Variants in BAZ2B observed in about 807,000 individuals in gnomAD.
The protein encoded by BAZ2B is bromodomain adjacent to zinc finger domain 2B, also known as bromodomain adjacent to zinc finger domain protein 2B.
BAZ2B carries 91 observed loss-of-function variants against 246.0 expected under a neutral mutation model. The observed-to-expected ratio is 0.37, with a 90% CI of 0.31 to 0.44. The LOEUF (loss-of-function observed/expected upper bound fraction) is 0.44, where lower values mean the gene tolerates loss of function less well. Ranked by LOEUF, BAZ2B falls within the 20% of genes least tolerant of loss-of-function variation. The pLI, the probability that BAZ2B is intolerant of heterozygous loss-of-function variation, is 1.00. For synonymous variants in BAZ2B, 855 were observed against 860.0 expected, an observed-to-expected ratio of 0.99 and a Z score of 0.10; for missense variants, 2,332 against 2,533.7, an observed-to-expected ratio of 0.92 and a Z score of 1.71.
chr2:159,560,114 A>C, intron 1 of BAZ2B, among the ~76,000 whole-genome samples: 1 of 152,188 alleles, frequency 6.6e-6, no homozygotes, highest in East Asian at 1.9e-4. Flanking sequence ...ACTCAATTTT[A>C]ACATACTCAT....
intron 1 of BAZ2B, among the ~76,000 whole-genome samples, chr2:159,607,107 G>T (rs1442378323): frequency 6.6e-6 from 1 of 151,938 alleles, no homozygotes; most frequent in African/African-American, 2.4e-5. Flanking sequence ...TGCCTGTCTC[G>T]GCCTCCCAAA....
chr2:159,350,312 T>G lies in BAZ2B; in HGVS notation c.4259A>C (p.Glu1420Ala), dbSNP rs778159639. ...CATTTCTTCTTTGATCTGGACACTT[T>G]CTGCCTTTTTCAGTTTTTCTCTTTC... ...AKEREKLKKAESVQIKEEMFE... is the reference protein window; with the variant it reads ...AKEREKLKKAASVQIKEEMFE... Residue 1420 changes from glutamate to alanine, a missense_variant, in exon 28 of 37, where the codon GAA (glutamate) becomes GCA (alanine). Physicochemically the swap from Glu to Ala is moderately radical, Grantham distance 107. Transcript: ENST00000392783. 7 of 1,576,540 alleles carry G rather than the reference T, an allele frequency of 4.4e-6. No homozygotes were observed. The highest frequency in any genetic ancestry group is 5.1e-6 in the Non-Finnish European group (6 of 1,165,844).
At chr2:159,671,432 C>T in the BAZ2B span, among the ~76,000 whole-genome samples, 1 of 151,988 alleles carries the variant, frequency 6.6e-6, no homozygotes, top group Non-Finnish European at 1.5e-5. Flanking sequence ...AAGGTACTAC[C>T]TCAAATACTT....
At chr2:159,373,227 G>A (rs1420122053) in intron 26 of BAZ2B, 38 bp from the exon 27 acceptor site, 1 of 1,557,238 alleles carries the variant, frequency 6.4e-7, no homozygotes, top group South Asian at 1.2e-5. Context: ...GGTTTGGGAT[G>A]TTAAATGCTT....
chr2:159,553,408 A>AAAAAAG (rs2088617685), intron 2 of BAZ2B, among the ~76,000 whole-genome samples: 1 of 146,530 alleles, frequency 6.8e-6, no homozygotes, highest in African/African-American at 2.7e-5. Context: ...AAAAAAAAAA[A>AAAAAAG]AAAAAAAAGA....
intron 2 of BAZ2B, among the ~76,000 whole-genome samples, chr2:159,553,540 GAAAT>G (rs2088649830): frequency 6.6e-6 from 1 of 151,864 alleles, no homozygotes; most frequent in Non-Finnish European, 1.5e-5. Flanking sequence ...TTCAAGTAGA[GAAAT>G]AAAAGGAACC....
intron 10 of BAZ2B, 120 bp downstream of exon 10, chr2:159,430,743 A>G: frequency 6.9e-7 from 1 of 1,459,400 alleles, no homozygotes. Flanking sequence ...TCCTTAGCCA[A>G]CCTAAAATCT....
rs542236957 is a variant in BAZ2B at position 159,492,782 on chromosome 2, T to C, written c.-2-14061A>G. ...TTCAAAGAAAATAATTGATTAAAAA[T>C]AATTGTATTTCATACTTCAATGACA... On this transcript the variant is annotated intron_variant, in intron 2 of 36. Transcript: ENST00000392783. Among the ~76,000 whole-genome samples, 5 of 152,360 alleles carry C rather than the reference T, an allele frequency of 3.3e-5. No homozygotes were observed. The South Asian group carries it at 1.0e-3, about 32-fold the overall frequency.
intron 1 of BAZ2B, among the ~76,000 whole-genome samples, chr2:159,602,741 C>T (rs950807814): frequency 6.6e-6 from 1 of 152,142 alleles, no homozygotes; most frequent in African/African-American, 2.4e-5. Context: ...TATTCATATT[C>T]TTTGACCCAG....
the BAZ2B span, among the ~76,000 whole-genome samples, chr2:159,668,799 G>A: frequency 6.6e-6 from 1 of 152,132 alleles, no homozygotes; most frequent in Non-Finnish European, 1.5e-5. Flanking sequence ...GTTGACGCCT[G>A]TAATCCCAGC....
At chr2:159,402,256 C>G (rs1017693807) in intron 16 of BAZ2B, among the ~76,000 whole-genome samples, 2 of 152,128 alleles carry the variant, frequency 1.3e-5, no homozygotes, top group Non-Finnish European at 2.9e-5. Context: ...GAGAAACAAA[C>G]AGTGCTAGGT....
In BAZ2B at chr2:159,374,905, A is replaced by G. The variant is rs1051460878; in HGVS notation, c.4006-152T>C. The G allele has an allele frequency of 1.1e-5, 7 of 659,814 alleles. No individual in the cohort carries two copies. In the African/African-American group the frequency reaches 1.3e-4, roughly 12 times the overall value. The allele number at this position is 659,814 out of a possible 1,614,324, so 40.9% of individuals were successfully genotyped here. A position where few individuals can be genotyped will look rare whatever the true frequency, so the allele number is the denominator to read the frequency against. The stretch of plus-strand genomic sequence containing the variant: ...CTAATAATCTGGTAGAGAGATACAT[A>G]AAACATTATGTTTAAAAAAAACACA... On this transcript the variant is annotated intron_variant, in intron 25 of 36. Coordinates refer to ENST00000392783, the MANE Select transcript of BAZ2B (RefSeq NM_013450.4).
chr2:159,594,377 A>G (rs1690135182), intron 1 of BAZ2B, among the ~76,000 whole-genome samples: 1 of 152,232 alleles, frequency 6.6e-6, no homozygotes, highest in Admixed American at 6.5e-5. Flanking sequence ...ACCGCGCTCC[A>G]GCCTGGGCAA....
At chr2:159,550,521 TA>T (rs2088024649) in intron 2 of BAZ2B, among the ~76,000 whole-genome samples, 1 of 152,124 alleles carries the variant, frequency 6.6e-6, no homozygotes, top group East Asian at 1.9e-4. Flanking sequence ...CAGATTACTA[TA>T]CCTAGCTGCA....
At chr2:159,618,025 A>ATATGTT (rs1696263991), upstream of BAZ2B, among the ~76,000 whole-genome samples, 1 of 152,202 alleles carries the variant, frequency 6.6e-6, no homozygotes, top group Non-Finnish European at 1.5e-5. Context: ...TAATGTGCTG[A>ATATGTT]TATGTTTTTA....
chr2:159,653,346 T>C, the BAZ2B span, among the ~76,000 whole-genome samples: 3 of 152,240 alleles, frequency 2.0e-5, no homozygotes, highest in Admixed American at 6.5e-5. Flanking sequence ...CTATTCTTTT[T>C]AAAAAATCAT....
At chr2:159,469,065 A>T (rs1269645131) in intron 3 of BAZ2B, among the ~76,000 whole-genome samples, 1 of 151,178 alleles carries the variant, frequency 6.6e-6, no homozygotes, top group African/African-American at 2.4e-5. Context: ...AAAAAAAAAA[A>T]AAGTAGGGAA....
intron 1 of BAZ2B, among the ~76,000 whole-genome samples, chr2:159,576,641 C>A (rs1004763038): frequency 5.9e-5 from 9 of 151,808 alleles, no homozygotes; most frequent in Non-Finnish European, 1.3e-4. Context: ...TGGCCAGGCA[C>A]GGTGGCTCAC....
chr2:159,433,088 A>G lies in BAZ2B; in HGVS notation c.1569T>C (p.Ile523=), dbSNP rs1255336706. 2 of 1,614,214 alleles carry G rather than the reference A, an allele frequency of 1.2e-6. No homozygotes were observed. Among genetic ancestry groups the G allele is most frequent in the East Asian group, 2.2e-5 (1 of 44,878 alleles). The stretch of plus-strand genomic sequence containing the variant: ...AAAAAGGGGTGCTACTTGCAGCAGC[A>G]ATGTTTTCATTAATCTTGCTCTGCA... The part of the protein sequence containing the change: ...TKMQSKINEN[I]AAASSTPFSS... The change falls in exon 9 of 37, where the codon ATT becomes ATC. Residue 523 remains isoleucine (I), a synonymous_variant. Transcript: ENST00000392783.
Sources: allele counts gnomAD v4.1 joint callset (sites outside exome capture counted in the v4.1 genomes callset), GRCh38; gene constraint gnomAD v4.1.1; transcripts MANE v1.5; gene names NCBI Gene and HGNC (gene_info 2026-07-23, HGNC 2026-07-21).